FUS: variants seen among roughly 807,000 people sequenced by gnomAD.
FUS encodes the protein RNA-binding protein FUS.
In FUS, 5 loss-of-function variants were observed where a neutral mutation model predicts 82.7. That is an observed-to-expected ratio of 0.06 (90% CI 0.03 to 0.13). The LOEUF (loss-of-function observed/expected upper bound fraction) is 0.13, where lower values mean the gene tolerates loss of function less well. FUS is among the 10% of genes least tolerant of loss of function. The pLI is 1.00. For synonymous variants in FUS, 281 were observed against 247.4 expected, an observed-to-expected ratio of 1.14 and a Z score of -1.27; for missense variants, 512 against 707.8, an observed-to-expected ratio of 0.72 and a Z score of 3.14.
chr16:31,188,462 T>C, intron 8 of FUS, 105 bp downstream of exon 8: 2 of 1,239,768 alleles, frequency 1.6e-6, no homozygotes, highest in South Asian at 2.4e-5. Context: ...AAAATGGGGA[T>C]AGAGAAGGAA....
chr16:31,190,313 G>A lies in FUS; in HGVS notation c.1207G>A (p.Gly403Ser). The A allele has an allele frequency of 6.2e-7, 1 of 1,613,872 alleles. No individual in the cohort carries two copies. Among genetic ancestry groups the A allele is most frequent in the African/African-American group, 1.3e-5 (1 of 75,038 alleles). The change falls in exon 12 of 15, where the codon GGT (glycine) becomes AGT (serine). Residue 403 changes from glycine to serine, a missense_variant. By Grantham distance (56) the Gly-to-Ser change is moderately conservative. This residue lies in a region of FUS where 63 missense variants were observed against 83.0 expected (regional missense o/e 0.76). Transcript: ENST00000254108. ...TGGAGGCTATGGAGGTGGTGGCAGT[G>A]GTGGTGGTGGCCGAGGAGGATTTCC... ...GRGGYGGGGS[G>S]GGGRGGFPSG... is the part of the protein sequence containing the mutation.
chr16:31,185,094 G>A lies in FUS; in HGVS notation c.679G>A (p.Gly227Ser), dbSNP rs752125355. ...GGGTGGCAGTGGTGGCGGCGGCGGC[G>A]GCGGCGGTGGTGGTTACAACCGCAG... ...GRGGSGGGGG[G>S]GGGGYNRSSG... Residue 227 changes from glycine to serine, a missense_variant, in exon 6 of 15, where the codon GGC (glycine) becomes AGC (serine). By Grantham distance (56) the Gly-to-Ser change is moderately conservative. Around this residue, in one of 6 missense-constraint regions of FUS, gnomAD observed 276 missense variants for 303.3 expected, o/e 0.91. Coordinates refer to ENST00000254108, the MANE Select transcript of FUS (RefSeq NM_004960.4). 8 of 1,605,588 alleles carry A rather than the reference G, an allele frequency of 5.0e-6. No homozygotes were observed. Among genetic ancestry groups the A allele is most frequent in the East Asian group, 2.2e-5 (1 of 44,578 alleles).
In FUS at chr16:31,183,994, C is replaced by T; in HGVS notation, c.327C>T (p.Thr109=). 6.2e-7 allele frequency: 1 copy of T among 1,614,136 alleles called. No homozygotes were observed. The highest frequency in any genetic ancestry group is 1.1e-5 in the South Asian group (1 of 91,080). ...GYGQQPAPSS[T]SGSYGSSSQS... ...GCCAGCAGCCAGCTCCCAGCAGCACCTCGGGAAGGTACGGTGGTGTTGATG... is the reference window on the plus strand; with the variant it reads ...GCCAGCAGCCAGCTCCCAGCAGCACTTCGGGAAGGTACGGTGGTGTTGATG... Residue 109 remains threonine, a synonymous_variant, in exon 4 of 15, where the codon ACC becomes ACT. Coordinates refer to ENST00000254108, the MANE Select transcript of FUS (RefSeq NM_004960.4).
intron 5 of FUS, 110 bp downstream of exon 5, chr16:31,184,506 C>A: frequency 9.1e-7 from 1 of 1,097,196 alleles, no homozygotes; most frequent in Non-Finnish European, 1.3e-6. Context: ...TGCAGTGGCA[C>A]AATCTCGGCT....
intron 14 of FUS, 71 bp downstream of exon 14, chr16:31,191,181 A>G (rs1318310033): frequency 2.5e-6 from 4 of 1,586,338 alleles, no homozygotes; most frequent in Non-Finnish European, 3.4e-6. Flanking sequence ...GGTTTTGTTG[A>G]GAAAGTGGTT....
At chr16:31,193,957 A>C (rs563575202), downstream of FUS, 3 of 531,572 alleles carry the variant, frequency 5.6e-6, no homozygotes, top group Admixed American at 2.2e-5. Flanking sequence ...AGAATACTCT[A>C]TTCTTACTGA....
Position 31,191,122 on chromosome 16 carries a change from A to G in FUS, c.1541+12A>G. ...AAGATGGATTCCAGGTAAGACTTTAAATCAGAATAAAAAAGTAGAGCAGTT... is the reference window on the plus strand; with the variant it reads ...AAGATGGATTCCAGGTAAGACTTTAGATCAGAATAAAAAAGTAGAGCAGTT... On this transcript the variant is annotated intron_variant, in intron 14 of 14. Coordinates refer to ENST00000254108, the MANE Select transcript of FUS (RefSeq NM_004960.4). The G allele has an allele frequency of 6.2e-7, 1 of 1,612,044 alleles. No individual in the cohort carries two copies. The highest frequency in any genetic ancestry group is 8.5e-7 in the Non-Finnish European group (1 of 1,179,792).
intron 7 of FUS, 94 bp from the exon 8 acceptor site, chr16:31,188,231 A>G (rs1480581663): frequency 3.0e-6 from 4 of 1,354,438 alleles, no homozygotes; most frequent in Non-Finnish European, 4.1e-6. Flanking sequence ...TTTGGTGTTA[A>G]TTTTTTTCCT....
At chr16:31,188,412 C>CT in intron 8 of FUS, 55 bp downstream of exon 8, 1 of 1,567,498 alleles carries the variant, frequency 6.4e-7, no homozygotes, top group Non-Finnish European at 8.8e-7. Context: ...TCAAGACTGC[C>CT]TGGATGTTCT....
chr16:31,193,538 C>T (rs1188593025), downstream of FUS: 2 of 530,022 alleles, frequency 3.8e-6, no homozygotes, highest in South Asian at 3.1e-5. Context: ...GAGGTCGAAG[C>T]TCCTTGTAAG....
chr16:31,191,105 T>A lies in FUS; in HGVS notation c.1536T>A (p.Asp512Glu), dbSNP rs774626656. 2 of 1,612,586 alleles carry A rather than the reference T, an allele frequency of 1.2e-6. No homozygotes were observed. Residue 512 changes from aspartate to glutamate, a missense_variant, in exon 14 of 15, where the codon GAT (aspartate) becomes GAA (glutamate). Asp to Glu is a conservative substitution (Grantham distance 45, BLOSUM62 2). Around this residue, in one of 6 missense-constraint regions of FUS, gnomAD observed 96 missense variants for 120.7 expected, o/e 0.80. Coordinates refer to ENST00000254108, the MANE Select transcript of FUS (RefSeq NM_004960.4). ...DRGGFGPGKM[D>E]SRGEHRQDRR... ...GTGGCTTTGGCCCTGGCAAGATGGA[T>A]TCCAGGTAAGACTTTAAATCAGAAT...
chr16:31,180,494 T>A (rs1346132139), intron 1 of FUS, among the ~76,000 whole-genome samples: 1 of 152,148 alleles, frequency 6.6e-6, no homozygotes. Context: ...CTTAGGGGTT[T>A]GAAGCGTCAG....
intron 3 of FUS, chr16:31,183,515 G>A (rs2079212507): frequency 2.8e-6 from 1 of 353,944 alleles, no homozygotes. Context: ...AGGTCCTGAA[G>A]TGTAACTAAG....
Position 31,184,365 on chromosome 16 carries a change from C to T in FUS, c.492C>T (p.Ser164=). 1.2e-6 allele frequency: 2 copies of T among 1,613,736 alleles called. No individual in the cohort carries two copies. Among genetic ancestry groups the T allele is most frequent in the Non-Finnish European group, 1.7e-6 (2 of 1,179,970 alleles). ...GACAGCAGAACCAGTACAACAGCAG[C>T]AGTGGTGGTGGAGGTGGAGGTGGAG... The part of the protein sequence containing the change: ...GYGQQNQYNS[S]SGGGGGGGGG... Residue 164 remains serine (S), a synonymous_variant, in exon 5 of 15, where the codon AGC becomes AGT. Transcript: ENST00000254108.
At chr16:31,194,460 A>AT (rs537105620), downstream of FUS, 748 of 498,566 alleles carry the variant, frequency 1.5e-3, no homozygotes, top group African/African-American at 0.012. Flanking sequence ...TGACTGGCTA[A>AT]TTTTTTTTTG....
intron 3 of FUS, 58 bp from the exon 4 acceptor site, chr16:31,183,800 T>C (rs1485271413): frequency 6.2e-7 from 1 of 1,605,998 alleles, no homozygotes; most frequent in Non-Finnish European, 8.5e-7. Context: ...TTTAACCCAT[T>C]CCTTACATTT....
downstream of FUS, chr16:31,193,019 T>C (rs751331525): frequency 1.9e-4 from 91 of 485,186 alleles, no homozygotes; most frequent in Non-Finnish European, 3.0e-4. Flanking sequence ...TGGAGTGCAA[T>C]GGCACGTTTT....
chr16:31,188,427 A>G (rs992885391), intron 8 of FUS, 70 bp downstream of exon 8: 33 of 1,527,198 alleles, frequency 2.2e-5, no homozygotes, highest in Non-Finnish European at 2.7e-5. Flanking sequence ...TGTTCTTTGA[A>G]ACTATTATAA....
downstream of FUS, chr16:31,192,660 A>G: frequency 2.1e-6 from 1 of 481,952 alleles, no homozygotes; most frequent in Non-Finnish European, 4.1e-6. Context: ...TCCTGAGTTT[A>G]AGCGATTCTC....
Sources: gnomAD v4.1 joint callset for allele counts (sites outside exome capture counted in the v4.1 genomes callset) on GRCh38, gnomAD v4.1.1 for gene constraint, gnomAD v4.1.1 regional missense constraint, MANE v1.5 for transcripts, NCBI Gene and HGNC (gene_info 2026-07-23, HGNC 2026-07-21) for gene names.